FER1L5: variants seen among roughly 807,000 people sequenced by gnomAD.
FER1L5 encodes the protein fer-1 like family member 5, also known as fer-1-like protein 5.
Under a neutral mutation model 279.9 loss-of-function variants are expected in FER1L5, and 187 were observed. The ratio of observed to expected loss-of-function variants is 0.67; its 90% CI spans 0.59 to 0.75. FER1L5 has a LOEUF of 0.75. Ranked by LOEUF, FER1L5 falls within the 30% of genes least tolerant of loss-of-function variation. FER1L5 has a pLI of 0.00. For synonymous variants in FER1L5, 921 were observed against 989.7 expected (o/e 0.93, Z 1.30); for missense variants, 2,091 against 2,594.4 (o/e 0.81, Z 4.21).
chr2:96,676,159 A>T (rs979266490), intron 19 of FER1L5, among the ~76,000 whole-genome samples: 2 of 152,210 alleles, frequency 1.3e-5, no homozygotes, highest in Non-Finnish European at 2.9e-5. Context: ...AAAGTAATTC[A>T]GTAATTCAGT....
Position 96,691,626 on chromosome 2 carries a change from G to A in FER1L5, c.3075+14G>A. 1 of 1,513,172 alleles carries A rather than the reference G, an allele frequency of 6.6e-7. No homozygotes were observed. Among genetic ancestry groups the A allele is most frequent in the Non-Finnish European group, 8.9e-7 (1 of 1,127,422 alleles). The allele number at this position is 1,513,172 out of a possible 1,614,324, so 93.7% of individuals were successfully genotyped here. ...GAGGGGTCCTTGGTAAAGCCTCACA[G>A]GCTGGGTGATGCCTGCCTGTAACCC... On this transcript the variant is annotated intron_variant, in intron 29 of 52. Coordinates refer to ENST00000624922, the MANE Select transcript of FER1L5 (RefSeq NM_001293083.2). This position sits in a 1 kb window ranked among gnomAD's most constrained non-coding sequence, Gnocchi z 6.0.
chr2:96,655,447 G>A (rs139822467), intron 9 of FER1L5, among the ~76,000 whole-genome samples: 51 of 152,294 alleles, frequency 3.3e-4, no homozygotes, highest in East Asian at 1.2e-3. Context: ...TGCAGGGGAC[G>A]TATGTGTATT....
At chr2:96,678,495 G>A (rs531514862) in intron 19 of FER1L5, among the ~76,000 whole-genome samples, 1 of 152,066 alleles carries the variant, frequency 6.6e-6, no homozygotes, top group Admixed American at 6.6e-5. Context: ...GTGCAGTGGT[G>A]CAATCACGGG....
At position 96,693,925 on chromosome 2, in the gene FER1L5, G is replaced by T. The variant is rs1254012267; in HGVS notation, c.3489G>T (p.Leu1163Phe). The change falls in exon 33 of 53, where the codon TTG (leucine) becomes TTT (phenylalanine). Residue 1163 changes from leucine to phenylalanine, a missense_variant. Physicochemically the swap from Leu to Phe is conservative, Grantham distance 22. Coordinates refer to ENST00000624922, the MANE Select transcript of FER1L5 (RefSeq NM_001293083.2). ...CCCCCCTCCAGGGCAAGGAGAGCTT[G>T]TGGGGACGGAGCGTGTGGCCCCCAA... ...WQRDFWGKES[L>F]WGRSVWPPMV... is the part of the protein sequence containing the mutation. 6.5e-7 allele frequency: 1 copy of T among 1,550,284 alleles called. No homozygotes were observed. The highest frequency in any genetic ancestry group is 1.2e-5 in the South Asian group (1 of 83,748).
chr2:96,696,784 A>C (rs1386820268), intron 37 of FER1L5, among the ~76,000 whole-genome samples: 2 of 152,158 alleles, frequency 1.3e-5, no homozygotes, highest in East Asian at 3.9e-4. Flanking sequence ...GCATACCTGT[A>C]ATTCTAGCTA....
chr2:96,687,949 T>C lies in FER1L5; in HGVS notation c.2361+2T>C. 1 of 1,549,618 alleles carries C rather than the reference T, an allele frequency of 6.5e-7. No homozygotes were observed. The highest frequency in any genetic ancestry group is 8.7e-7 in the Non-Finnish European group (1 of 1,146,624). On this transcript the variant is annotated splice_donor_variant, in intron 24 of 52. Transcript: ENST00000624922. LOFTEE classifies it high-confidence loss of function. ...GACACAGCGGTGTACGCCGAGATGG[T>C]GAGTGGTGAGCGGCAGCCCAAGGCC...
rs1285800202 is a variant in FER1L5, at chr2:96,647,865, C to A, written c.318C>A (p.Asn106Lys). The A allele has an allele frequency of 6.4e-7, 1 of 1,551,834 alleles. No homozygotes were observed. Among genetic ancestry groups the A allele is most frequent in the Non-Finnish European group, 8.7e-7 (1 of 1,146,992 alleles). ...VLFVKDLTLL[N>K]HSMKPTDCTV... Reference sequence around the variant, plus strand: ...TTGTGAAGGACTTGACCCTGCTCAACCATTCCATGAAGCCCACAGATGTGA... The same window carrying A: ...TTGTGAAGGACTTGACCCTGCTCAAACATTCCATGAAGCCCACAGATGTGA... Residue 106 changes from asparagine to lysine, a missense_variant, in exon 4 of 53, where the codon AAC (asparagine) becomes AAA (lysine). Transcript: ENST00000624922.
In FER1L5 at chr2:96,693,863, G is replaced by A. The variant is rs1366491747; in HGVS notation, c.3475-48G>A. 1.6e-5 allele frequency: 24 copies of A among 1,507,130 alleles called. No individual in the cohort carries two copies. In the Admixed American group the frequency reaches 5.0e-4, roughly 31 times the overall value. The allele number at this position is 1,507,130 out of a possible 1,614,324, so 93.4% of individuals were successfully genotyped here. ...TGCCTTGAGAAGCCCAGACAGAGCTGGGCCCTGCCAGCATGGCCTCCATGC... is the reference window on the plus strand; with the variant it reads ...TGCCTTGAGAAGCCCAGACAGAGCTAGGCCCTGCCAGCATGGCCTCCATGC... On this transcript the variant is annotated intron_variant, in intron 32 of 52. Transcript: ENST00000624922.
intron 19 of FER1L5, among the ~76,000 whole-genome samples, chr2:96,677,899 C>T (rs2076570505): frequency 6.6e-6 from 1 of 151,504 alleles, no homozygotes; most frequent in Non-Finnish European, 1.5e-5. Context: ...CTGCTGTGAA[C>T]ATTCGTATAC....
At chr2:96,663,735 T>A (rs999128103) in intron 14 of FER1L5, among the ~76,000 whole-genome samples, 1 of 152,166 alleles carries the variant, frequency 6.6e-6, no homozygotes, top group East Asian at 1.9e-4. Context: ...TATGTATGAC[T>A]TGTAGATATT....
At chr2:96,644,183 A>AG (rs1413123367) in intron 1 of FER1L5, among the ~76,000 whole-genome samples, 3 of 150,236 alleles carry the variant, frequency 2.0e-5, no homozygotes, top group Non-Finnish European at 3.0e-5. Context: ...TCAAAAAAAA[A>AG]AAAAAAAGAA....
In FER1L5 at chr2:96,691,295, G is replaced by A. The variant is rs781178713; in HGVS notation, c.2849G>A (p.Arg950His). 3.9e-6 allele frequency: 6 copies of A among 1,550,424 alleles called. No individual in the cohort carries two copies. Among genetic ancestry groups the A allele is most frequent in the South Asian group, 2.4e-5 (2 of 84,058 alleles). Residue 950 changes from arginine (R) to histidine (H), a missense_variant, in exon 28 of 53, where the codon CGC becomes CAC. By Grantham distance (29) the Arg-to-His change is conservative. Transcript: ENST00000624922. The surrounding 1 kb of genome is among the most constrained non-coding windows in gnomAD (Gnocchi z 6.0). ...CGCCGCCGGCGCTGGGCGCGTGTGCGCTTCAGGAACCATGGGGAGCTGAGC... is the reference window on the plus strand; with the variant it reads ...CGCCGCCGGCGCTGGGCGCGTGTGCACTTCAGGAACCATGGGGAGCTGAGC... ...SCRRRRWARV[R>H]FRNHGELSHE... is the part of the protein sequence containing the mutation.
At chr2:96,655,662 A>AT (rs1304407342) in intron 9 of FER1L5, among the ~76,000 whole-genome samples, 5 of 152,198 alleles carry the variant, frequency 3.3e-5, no homozygotes, top group African/African-American at 1.2e-4. Context: ...ACAGTGACCA[A>AT]TGACATAAGC....
intron 19 of FER1L5, among the ~76,000 whole-genome samples, chr2:96,680,598 T>C (rs7583154): frequency 0.31 from 47,318 of 151,662 alleles, 7,673 homozygotes; most frequent in East Asian, 0.51. Flanking sequence ...TCCCCACTTA[T>C]CTCCTTAGCA....
chr2:96,683,958 C>T (rs1254101763), intron 19 of FER1L5, among the ~76,000 whole-genome samples: 1 of 152,160 alleles, frequency 6.6e-6, no homozygotes, highest in Non-Finnish European at 1.5e-5. Flanking sequence ...AGGCGTGCCC[C>T]GTGCCCCTAC....
At position 96,687,666 on chromosome 2, in the gene FER1L5, C is replaced by T. The variant is rs569584849; in HGVS notation, c.2230-150C>T. The T allele has an allele frequency of 2.1e-5, 26 of 1,231,146 alleles. No homozygotes were observed. The Admixed American group carries it at 5.5e-4, about 26-fold the overall frequency. The allele number at this position is 1,231,146 out of a possible 1,614,324, so 76.3% of individuals were successfully genotyped here. A position where few individuals can be genotyped will look rare whatever the true frequency, so the allele number is the denominator to read the frequency against. ...TGGAGGGCAGAACAGAACTCCATGC[C>T]ATTCACTTACAGCTCCAGCACTCAG... On this transcript the variant is annotated intron_variant, in intron 23 of 52. Transcript: ENST00000624922.
intron 42 of FER1L5, 29 bp downstream of exon 42, chr2:96,699,165 T>C: frequency 1.3e-6 from 2 of 1,579,072 alleles, no homozygotes; most frequent in Non-Finnish European, 1.7e-6. Context: ...CAAGACCCCT[T>C]CTCCACTCCT....
chr2:96,672,707 C>T (rs540876410), intron 18 of FER1L5, among the ~76,000 whole-genome samples: 1 of 151,954 alleles, frequency 6.6e-6, no homozygotes, highest in African/African-American at 2.4e-5. Context: ...GCCCTACACC[C>T]CTATCCACAT....
intron 1 of FER1L5, among the ~76,000 whole-genome samples, chr2:96,644,306 G>A (rs1004572411): frequency 1.5e-4 from 23 of 150,792 alleles, no homozygotes; most frequent in South Asian, 8.3e-4. Flanking sequence ...GTGAAACCCC[G>A]TCTCTACTAA....
Sources: allele counts gnomAD v4.1 joint callset (sites outside exome capture counted in the v4.1 genomes callset), GRCh38; gene constraint gnomAD v4.1.1; non-coding constraint Gnocchi (gnomAD v3.1); transcripts MANE v1.5; gene names NCBI Gene and HGNC (gene_info 2026-07-23, HGNC 2026-07-21).